Variants in PTPRH observed in about 807,000 individuals in gnomAD.
The protein encoded by PTPRH is receptor-type tyrosine-protein phosphatase H.
Under a neutral mutation model 130.2 loss-of-function variants are expected in PTPRH, and 113 were observed. The ratio of observed to expected loss-of-function variants is 0.87; its 90% CI spans 0.75 to 1.01. The LOEUF (loss-of-function observed/expected upper bound fraction) is 1.01, where lower values mean the gene tolerates loss of function less well. PTPRH is among the 50% of genes least tolerant of loss of function. The pLI, the probability that PTPRH is intolerant of heterozygous loss-of-function variation, is 0.00. For missense variants in PTPRH, 1,430 were observed against 1,425.0 expected, an observed-to-expected ratio of 1.00 and a Z score of -0.06; for synonymous variants, 556 against 577.9, an observed-to-expected ratio of 0.96 and a Z score of 0.54.
rs1438060224 is a variant in PTPRH at position 55,205,333 on chromosome 19, G to T, written c.612C>A (p.Ala204=). The T allele has an allele frequency of 6.2e-7, 1 of 1,614,194 alleles. No homozygotes were observed. Residue 204 remains alanine (A), a synonymous_variant, in exon 4 of 20, where the codon GCC becomes GCA. Coordinates refer to ENST00000376350, the MANE Select transcript of PTPRH (RefSeq NM_002842.5). ...ATGGCGACTGCCTCTCACCTGTGGT[G>T]GCATTTCGAGTCTCCCGGGAGCTGT... The part of the protein sequence containing the change: ...GINSSRETRN[A]TTAHNPVRNL...
intron 2 of PTPRH, 47 bp downstream of exon 2, chr19:55,207,119 G>C (rs746889292): frequency 6.2e-7 from 1 of 1,610,344 alleles, no homozygotes; most frequent in Non-Finnish European, 8.5e-7. Context: ...GGCAGTTGCG[G>C]TCCCACCTCT....
Position 55,185,622 on chromosome 19 carries a change from T to C in PTPRH, c.2942A>G (p.Tyr981Cys), listed in dbSNP as rs1410709763. 3 of 1,614,126 alleles carry C rather than the reference T, an allele frequency of 1.9e-6. No homozygotes were observed. Among genetic ancestry groups the C allele is most frequent in the Non-Finnish European group, 2.5e-6 (3 of 1,180,030 alleles). The change falls in exon 18 of 20, where the codon TAC becomes TGC. Residue 981 changes from tyrosine to cysteine, a missense_variant. Tyr to Cys is a radical substitution (Grantham distance 194, BLOSUM62 -2). Coordinates refer to ENST00000376350, the MANE Select transcript of PTPRH (RefSeq NM_002842.5). ...AACGCCGTGATCCGGCCAGGCCTGG[T>C]AGTGGAATTGGCGCACAGACAGTGT... Reference protein sequence around the residue: ...QKTLSVRQFHYQAWPDHGVPS... With the variant: ...QKTLSVRQFHCQAWPDHGVPS...
intron 12 of PTPRH, 126 bp downstream of exon 12, chr19:55,191,375 A>C (rs988949919): frequency 8.0e-6 from 9 of 1,118,740 alleles, no homozygotes; most frequent in Non-Finnish European, 1.2e-5. Flanking sequence ...TCGCAGAGGC[A>C]TGGGCCCCTT....
chr19:55,195,155 T>A (rs535010739), intron 10 of PTPRH, among the ~76,000 whole-genome samples: 234 of 151,970 alleles, frequency 1.5e-3, no homozygotes, highest in Non-Finnish European at 2.8e-3. Flanking sequence ...CAAAACCCCA[T>A]CTCTATTAAA....
chr19:55,184,484 C>T (rs1011891416), intron 18 of PTPRH, among the ~76,000 whole-genome samples: 2 of 151,944 alleles, frequency 1.3e-5, no homozygotes, highest in African/African-American at 2.4e-5. Flanking sequence ...ACCTACGGGA[C>T]TTCAGCATAA....
chr19:55,198,526 G>A lies in PTPRH; in HGVS notation c.1690+117C>T, dbSNP rs375978357. 8.5e-5 allele frequency: 96 copies of A among 1,128,474 alleles called. 1 individual carries two copies. Among genetic ancestry groups the A allele is most frequent in the South Asian group, 5.2e-4 (22 of 42,386 alleles). 69.9% of individuals were successfully genotyped at this position (1,128,474 alleles called of 1,614,324 possible). ...GGACCTACAGGTTTAAGCTCCGGCCGGTGAGGCTGGAGAGGCCCATGGGTA... is the reference window on the plus strand; with the variant it reads ...GGACCTACAGGTTTAAGCTCCGGCCAGTGAGGCTGGAGAGGCCCATGGGTA... On this transcript the variant is annotated intron_variant, in intron 8 of 19. Coordinates refer to ENST00000376350, the MANE Select transcript of PTPRH (RefSeq NM_002842.5).
chr19:55,188,007 C>T lies in PTPRH; in HGVS notation c.2475+71G>A. Reference sequence around the variant, plus strand: ...TAATCCCGAAAGCCGTGAGGTCTGGCCAGGGGGTGGGGGGTGGGGGTCTGG... The same window carrying T: ...TAATCCCGAAAGCCGTGAGGTCTGGTCAGGGGGTGGGGGGTGGGGGTCTGG... On this transcript the variant is annotated intron_variant, in intron 13 of 19. Transcript: ENST00000376350. The T allele has an allele frequency of 5.0e-6, 6 of 1,190,676 alleles. No homozygotes were observed. The South Asian group carries it at 6.1e-5, about 12-fold the overall frequency. The allele number at this position is 1,190,676 out of a possible 1,614,324, so 73.8% of individuals were successfully genotyped here.
rs376054614 is a variant in PTPRH, at chr19:55,182,137, C to A, written c.3077G>T (p.Arg1026Leu). The A allele has an allele frequency of 6.2e-7, 1 of 1,613,628 alleles. No homozygotes were observed. Among genetic ancestry groups the A allele is most frequent in the Non-Finnish European group, 8.5e-7 (1 of 1,180,026 alleles). Reference protein sequence around the residue: ...PIVHCSAGVGRTGTLIALDVL... With the variant: ...PIVHCSAGVGLTGTLIALDVL... ...GTCCAGGGCAATGAGGGTTCCTGTG[C>A]GACCCACGCCAGCACTAGGCAGAAC... is the stretch of plus-strand genomic sequence containing the variant. Residue 1026 changes from arginine to leucine, a missense_variant, in exon 19 of 20, where the codon CGC becomes CTC. Transcript: ENST00000376350.
At chr19:55,188,440 G>A (rs2086430962) in intron 12 of PTPRH, among the ~76,000 whole-genome samples, 1 of 152,162 alleles carries the variant, frequency 6.6e-6, no homozygotes. Context: ...TTGAACCCGT[G>A]AGGCAGAGGT....
Position 55,198,772 on chromosome 19 carries a change from TGGG to T in PTPRH, c.1558_1560del (p.Pro520del). 6.2e-7 allele frequency: 1 copy of T among 1,614,084 alleles called. No individual in the cohort carries two copies. The highest frequency in any genetic ancestry group is 8.5e-7 in the Non-Finnish European group (1 of 1,179,978). On this transcript the variant is annotated inframe_deletion, in exon 8 of 20. Transcript: ENST00000376350. The stretch of plus-strand genomic sequence containing the variant: ...TCAGTACCTGAGGTGCTTTGGGTCC[TGGG>T]GTCAGTCATGCCTTCCCTGACCCAT...
At position 55,203,924 on chromosome 19, in the gene PTPRH, A is replaced by G. The variant is rs781583689; in HGVS notation, c.744T>C (p.Asp248=). ...NSTYCVQCTG[D]GGRTETRNTT... ...TGTTTCGAGTCTCTGTTCTGCCACC[A>G]TCTCCAGTGCACTGAACGCAGTAGG... is the stretch of plus-strand genomic sequence containing the variant. The change falls in exon 5 of 20, where the codon GAT becomes GAC. Residue 248 remains aspartate (D), a synonymous_variant. Transcript: ENST00000376350. 6 of 1,613,976 alleles carry G rather than the reference A, an allele frequency of 3.7e-6. No individual in the cohort carries two copies. Among genetic ancestry groups the G allele is most frequent in the African/African-American group, 1.3e-5 (1 of 74,902 alleles).
chr19:55,206,735 C>G lies in PTPRH; in HGVS notation c.306G>C (p.Glu102Asp), dbSNP rs141431719. Residue 102 changes from glutamate to aspartate, a missense_variant, in exon 3 of 20, where the codon GAG (glutamate) becomes GAC (aspartate). Glu to Asp is a conservative substitution (Grantham distance 45). Coordinates refer to ENST00000376350, the MANE Select transcript of PTPRH (RefSeq NM_002842.5). ...CCACAGAGCTATTTACTCCGTCTTT[C>G]TCCACCCACACAGAACACGTATACA... ...GSLYTCSVWV[E>D]KDGVNSSVGT... 193 of 1,613,220 alleles carry G rather than the reference C, an allele frequency of 1.2e-4. No homozygotes were observed. In the African/African-American group the frequency reaches 2.3e-3, roughly 19 times the overall value.
intron 10 of PTPRH, chr19:55,194,069 C>A: frequency 1.1e-6 from 1 of 950,080 alleles, no homozygotes; most frequent in Non-Finnish European, 1.4e-6. Flanking sequence ...AGGCTGGTCT[C>A]GAACTCCCAA....
chr19:55,184,437 C>T (rs1568888583), intron 18 of PTPRH, among the ~76,000 whole-genome samples: 1 of 152,192 alleles, frequency 6.6e-6, no homozygotes, highest in Admixed American at 6.5e-5. Context: ...TGTTACTCTT[C>T]CTCATCTCCC....
intron 9 of PTPRH, 149 bp from the exon 10 acceptor site, chr19:55,196,937 T>C: frequency 8.1e-7 from 1 of 1,229,868 alleles, no homozygotes. Context: ...CCTCCCCGAA[T>C]GGACACAAAT....
At chr19:55,201,168 G>A (rs954704519) in intron 6 of PTPRH, among the ~76,000 whole-genome samples, 5 of 151,926 alleles carry the variant, frequency 3.3e-5, no homozygotes, top group Non-Finnish European at 7.4e-5. Context: ...ATTGCTTGAG[G>A]CCAGGAGTTA....
rs2087009925 is a variant in PTPRH, at chr19:55,205,316, T to C, written c.619+10A>G. The stretch of plus-strand genomic sequence containing the variant: ...AAGTAAGAGCAAAACAAATGGCGAC[T>C]GCCTCTCACCTGTGGTGGCATTTCG... On this transcript the variant is annotated intron_variant, in intron 4 of 19. Coordinates refer to ENST00000376350, the MANE Select transcript of PTPRH (RefSeq NM_002842.5). 1.9e-6 allele frequency: 3 copies of C among 1,613,940 alleles called. No individual in the cohort carries two copies. Among genetic ancestry groups the C allele is most frequent in the Non-Finnish European group, 2.5e-6 (3 of 1,179,820 alleles).
rs750175169 is a variant in PTPRH, at chr19:55,206,868, G to C, written c.173C>G (p.Ser58Ter). Residue 58 changes from serine (S) to a stop codon, truncating the protein, a stop_gained, in exon 3 of 20, where the codon TCA (serine) becomes TGA (stop). Coordinates refer to ENST00000376350, the MANE Select transcript of PTPRH (RefSeq NM_002842.5). LOFTEE classifies it high-confidence loss of function. ...LSWEVPDGLDSQNSNYWVQCT... is the reference protein window; with the variant it reads ...LSWEVPDGLD ...CTGAACCCAGTAGTTGGAGTTCTGT[G>C]AGTCTAGGCCATCGGGGACCTCCCA... 1 of 1,614,150 alleles carries C rather than the reference G, an allele frequency of 6.2e-7. No individual in the cohort carries two copies. Among genetic ancestry groups the C allele is most frequent in the East Asian group, 2.2e-5 (1 of 44,888 alleles).
chr19:55,188,283 C>T (rs1053894302), intron 12 of PTPRH, 115 bp from the exon 13 acceptor site: 31 of 771,594 alleles, frequency 4.0e-5, no homozygotes, highest in African/African-American at 8.6e-5. Context: ...GAGGCCGAGG[C>T]GGGTGGATCA....
Sources: allele counts gnomAD v4.1 joint callset (sites outside exome capture counted in the v4.1 genomes callset), GRCh38; gene constraint gnomAD v4.1.1; transcripts MANE v1.5; gene names NCBI Gene and HGNC (gene_info 2026-07-23, HGNC 2026-07-21).